SEL1L3: variants seen among roughly 807,000 people sequenced by gnomAD.
SEL1L3 encodes the protein SEL1L family member 3, also known as protein sel-1 homolog 3.
A neutral mutation model predicts 142.8 loss-of-function variants in SEL1L3; 76 were observed. That is an observed-to-expected ratio of 0.53 (90% CI 0.44 to 0.64). SEL1L3 has a LOEUF of 0.64. SEL1L3 is among the 30% of genes least tolerant of loss of function. The pLI is 0.00. For missense variants in SEL1L3, 1,262 were observed against 1,381.7 expected, an observed-to-expected ratio of 0.91 and a Z score of 1.37; for synonymous variants, 504 against 519.6, an observed-to-expected ratio of 0.97 and a Z score of 0.41.
At chr4:25,741,874 T>A in the SEL1L3 span, among the ~76,000 whole-genome samples, 1 of 151,904 alleles carries the variant, frequency 6.6e-6, no homozygotes, top group African/African-American at 2.4e-5. Context: ...AATGGCGTGA[T>A]CTTGACTCAC....
At chr4:25,832,184 C>T (rs79451028) in intron 5 of SEL1L3, among the ~76,000 whole-genome samples, 4,750 of 152,266 alleles carry the variant, frequency 0.031, 267 homozygotes, top group African/African-American at 0.11. Flanking sequence ...GATTTCTTTT[C>T]TCTTACAGAA....
At chr4:25,755,438 T>G (rs961606797) in intron 23 of SEL1L3, among the ~76,000 whole-genome samples, 9 of 152,080 alleles carry the variant, frequency 5.9e-5, no homozygotes, top group Non-Finnish European at 1.3e-4. Flanking sequence ...GCAAGCTACT[T>G]CGCCTCTCTG....
At chr4:25,848,522 ATGTT>A in intron 1 of SEL1L3, among the ~76,000 whole-genome samples, 1 of 152,342 alleles carries the variant, frequency 6.6e-6, no homozygotes, top group Non-Finnish European at 1.5e-5. Context: ...TTTTAGCTGA[ATGTT>A]TATTTATCTG....
At chr4:25,848,706 C>A (rs1716701452) in intron 1 of SEL1L3, among the ~76,000 whole-genome samples, 1 of 152,194 alleles carries the variant, frequency 6.6e-6, no homozygotes, top group Non-Finnish European at 1.5e-5. Context: ...ACAACGCATA[C>A]ACACAGAGAG....
At chr4:25,863,299 T>A, upstream of SEL1L3, 1 of 259,692 alleles carries the variant, frequency 3.9e-6, no homozygotes, top group Non-Finnish European at 7.3e-6. Flanking sequence ...CCCCCTCCTC[T>A]CCCTCCGGCT....
the SEL1L3 span, among the ~76,000 whole-genome samples, chr4:25,740,745 G>T: frequency 1.3e-5 from 2 of 152,084 alleles, no homozygotes; most frequent in African/African-American, 4.8e-5. Context: ...TGGAGAATTT[G>T]TTTCCCCACA....
intron 17 of SEL1L3, among the ~76,000 whole-genome samples, chr4:25,769,101 A>T (rs1429086518): frequency 1.3e-5 from 2 of 152,044 alleles, no homozygotes; most frequent in Non-Finnish European, 2.9e-5. Context: ...CTTATTTTTC[A>T]TTTTAAGGAG....
the SEL1L3 span, among the ~76,000 whole-genome samples, chr4:25,722,037 A>G: frequency 2.0e-5 from 3 of 152,196 alleles, no homozygotes; most frequent in Non-Finnish European, 4.4e-5. Context: ...TACAATTTTT[A>G]TTAATGTTTG....
At chr4:25,756,720 T>C in intron 23 of SEL1L3, 1 of 1,105,556 alleles carries the variant, frequency 9.0e-7, no homozygotes, top group Non-Finnish European at 1.1e-6. Flanking sequence ...GAAACCATGC[T>C]CAGCTAAATG....
At chr4:25,832,441 A>G (rs1161451489) in intron 5 of SEL1L3, among the ~76,000 whole-genome samples, 1 of 152,240 alleles carries the variant, frequency 6.6e-6, no homozygotes, top group Non-Finnish European at 1.5e-5. Context: ...GAGAGTTTGA[A>G]GCAGTTATGT....
chr4:25,829,893 A>T (rs1260550798), intron 6 of SEL1L3, among the ~76,000 whole-genome samples: 1 of 152,188 alleles, frequency 6.6e-6, no homozygotes, highest in Non-Finnish European at 1.5e-5. Context: ...CTTGCTCAGA[A>T]AAAAAGGTTG....
In SEL1L3 at chr4:25,833,478, C is replaced by T. The variant is rs201850024; in HGVS notation, c.952G>A (p.Gly318Ser). 534 of 1,612,870 alleles carry T rather than the reference C, an allele frequency of 3.3e-4. No homozygotes were observed. The highest frequency in any genetic ancestry group is 7.2e-4 in the Admixed American group (43 of 59,940). ...TCCGTAAGAAATACAGAAGGTGTGC[C>T]GTACATCTCATTAGAGTCAACAAAG... ...LYFVDSNEMY[G>S]TPSVFLTEEG... The change falls in exon 4 of 24, where the codon GGC (glycine) becomes AGC (serine). Residue 318 changes from glycine to serine, a missense_variant. By Grantham distance (56) the Gly-to-Ser change is moderately conservative (BLOSUM62 0). Coordinates refer to ENST00000399878, the MANE Select transcript of SEL1L3 (RefSeq NM_015187.5).
At chr4:25,756,900 G>A in intron 23 of SEL1L3, 1 of 1,282,750 alleles carries the variant, frequency 7.8e-7, no homozygotes, top group Non-Finnish European at 1.0e-6. Context: ...GGCACACAGA[G>A]GCAGAATTCT....
intron 2 of SEL1L3, among the ~76,000 whole-genome samples, chr4:25,844,421 T>C (rs1716382496): frequency 6.6e-6 from 1 of 152,198 alleles, no homozygotes; most frequent in Non-Finnish European, 1.5e-5. Flanking sequence ...CTTTAACTCT[T>C]GGGAAAGGGT....
chr4:25,753,598 C>T (rs936844912), intron 23 of SEL1L3, among the ~76,000 whole-genome samples: 1 of 152,274 alleles, frequency 6.6e-6, no homozygotes, highest in Non-Finnish European at 1.5e-5. Context: ...ATCGCCTTTG[C>T]AGCAGCTTCT....
At chr4:25,714,494 CTTTCTT>C in the SEL1L3 span, among the ~76,000 whole-genome samples, 3,232 of 67,994 alleles carry the variant, frequency 0.048, 83 homozygotes, top group African/African-American at 0.14. Flanking sequence ...CTTTCTCTTT[CTTTCTT>C]TTTCTTTCTT....
intron 6 of SEL1L3, among the ~76,000 whole-genome samples, chr4:25,824,227 G>A (rs993008984): frequency 4.6e-5 from 7 of 152,064 alleles, no homozygotes; most frequent in African/African-American, 1.2e-4. Flanking sequence ...GAGACAGCAC[G>A]GGGCACTAGA....
At chr4:25,791,920 A>AG (rs1712363937) in intron 11 of SEL1L3, among the ~76,000 whole-genome samples, 1 of 152,026 alleles carries the variant, frequency 6.6e-6, no homozygotes, top group Non-Finnish European at 1.5e-5. Context: ...CTAAAAAAAA[A>AG]AAAAAAAGTA....
chr4:25,734,488 C>T, the SEL1L3 span, among the ~76,000 whole-genome samples: 2 of 152,110 alleles, frequency 1.3e-5, no homozygotes, highest in African/African-American at 4.8e-5. Context: ...AACCTTTATT[C>T]CTGAGATAAA....
Sources: gnomAD v4.1 joint callset for allele counts (sites outside exome capture counted in the v4.1 genomes callset) on GRCh38, gnomAD v4.1.1 for gene constraint, MANE v1.5 for transcripts, NCBI Gene and HGNC (gene_info 2026-07-23, HGNC 2026-07-21) for gene names.